The following SNX4 variants were observed in gnomAD, a reference collection of about 807,000 sequenced individuals.
SNX4 encodes the protein sorting nexin 4, also known as sorting nexin-4.
SNX4 carries 49 observed loss-of-function variants against 70.8 expected under a neutral mutation model. The observed-to-expected ratio is 0.69, with a 90% CI of 0.55 to 0.88. The LOEUF is 0.88. SNX4 is among the 40% of genes least tolerant of loss of function. The probability of loss-of-function intolerance (pLI) is 0.00; values close to 1 mark genes in which losing one functional copy is unlikely to be tolerated. For synonymous variants in SNX4, 206 were observed against 183.8 expected, an observed-to-expected ratio of 1.12 and a Z score of -0.98; for missense variants, 528 against 544.8, an observed-to-expected ratio of 0.97 and a Z score of 0.31.
intron 1 of SNX4, among the ~76,000 whole-genome samples, chr3:125,515,795 C>G (rs1303726243): frequency 6.6e-6 from 1 of 151,882 alleles, no homozygotes; most frequent in Non-Finnish European, 1.5e-5. Context: ...CTCTTGTAAT[C>G]CTGGTGCTTT....
At chr3:125,515,208 C>T (rs1230754252) in intron 1 of SNX4, among the ~76,000 whole-genome samples, 1 of 151,680 alleles carries the variant, frequency 6.6e-6, no homozygotes. Context: ...AAAAATTAGC[C>T]AGGCGTGGTG....
At chr3:125,509,065 GCTCATGCCTGTAAT>G (rs1344527737) in intron 1 of SNX4, among the ~76,000 whole-genome samples, 1 of 151,912 alleles carries the variant, frequency 6.6e-6, no homozygotes, top group Non-Finnish European at 1.5e-5. Flanking sequence ...AGGCGTGGTG[GCTCATGCCTGTAAT>G]CTCAGCACTT....
intron 8 of SNX4, among the ~76,000 whole-genome samples, chr3:125,474,863 G>A (rs1390112437): frequency 6.6e-6 from 1 of 151,984 alleles, no homozygotes; most frequent in Non-Finnish European, 1.5e-5. Context: ...GTCTCCTATG[G>A]GATATAATTT....
intron 13 of SNX4, among the ~76,000 whole-genome samples, chr3:125,449,846 T>C (rs534620340): frequency 6.6e-6 from 1 of 152,286 alleles, no homozygotes; most frequent in Non-Finnish European, 1.5e-5. Flanking sequence ...GAATGAGAGA[T>C]CACAAGGAGC....
chr3:125,451,258 C>A, intron 13 of SNX4, 47 bp downstream of exon 13: 1 of 1,279,398 alleles, frequency 7.8e-7, no homozygotes, highest in Non-Finnish European at 1.1e-6. Flanking sequence ...CATGTATAAG[C>A]ACTTCTGAAT....
intron 1 of SNX4, among the ~76,000 whole-genome samples, chr3:125,507,419 G>C (rs941018253): frequency 1.3e-5 from 2 of 152,056 alleles, no homozygotes; most frequent in African/African-American, 2.4e-5. Context: ...CCATCAAACG[G>C]ACCAACATGT....
chr3:125,502,773 G>A (rs1003648003), intron 2 of SNX4, among the ~76,000 whole-genome samples: 8 of 145,162 alleles, frequency 5.5e-5, no homozygotes, highest in Admixed American at 7.1e-5. Flanking sequence ...TGAATCACTT[G>A]AACTCGGGAG....
chr3:125,514,564 A>G lies in SNX4; in HGVS notation c.141+5468T>C, dbSNP rs373485905. ...GTGCCACCATGCCTGGCTAATTTTC[A>G]TATTTCTAGTACAGCTGGGCTTTCA... On this transcript the variant is annotated intron_variant, in intron 1 of 13. Transcript: ENST00000251775. Among the ~76,000 whole-genome samples the G allele has an allele frequency of 1.5e-4, 23 of 152,014 alleles. 1 individual carries two copies. In the South Asian group the frequency reaches 2.7e-3, roughly 18 times the overall value.
chr3:125,483,643 G>A (rs186411077), intron 6 of SNX4, among the ~76,000 whole-genome samples: 13 of 152,278 alleles, frequency 8.5e-5, no homozygotes, highest in Non-Finnish European at 1.8e-4. Context: ...GGGGAGAGGA[G>A]TGACAACACA....
At chr3:125,453,352 A>G (rs1184541756) in intron 12 of SNX4, among the ~76,000 whole-genome samples, 1 of 152,180 alleles carries the variant, frequency 6.6e-6, no homozygotes, top group Non-Finnish European at 1.5e-5. Flanking sequence ...GGGAGAAGAA[A>G]TGGTGGAGGG....
At chr3:125,516,692 T>C (rs1280792666) in intron 1 of SNX4, among the ~76,000 whole-genome samples, 1 of 152,068 alleles carries the variant, frequency 6.6e-6, no homozygotes, top group African/African-American at 2.4e-5. Flanking sequence ...AATACAAAAA[T>C]TAGTCAGGTG....
intron 9 of SNX4, among the ~76,000 whole-genome samples, chr3:125,461,685 G>A (rs1225448421): frequency 3.3e-5 from 5 of 149,444 alleles, no homozygotes; most frequent in South Asian, 2.1e-4. Context: ...TTTTTGAGAC[G>A]GAGTCTCACT....
intron 5 of SNX4, 138 bp from the exon 6 acceptor site, chr3:125,489,601 C>A: frequency 3.0e-6 from 2 of 659,002 alleles, no homozygotes; most frequent in African/African-American, 1.8e-5. Flanking sequence ...TTAAACATGC[C>A]TAAAAAAATA....
chr3:125,500,809 A>AAAAAAAAAAAAAAAAAAAAAAAAAC (rs1934912374), intron 2 of SNX4, among the ~76,000 whole-genome samples: 1 of 150,138 alleles, frequency 6.7e-6, no homozygotes, highest in African/African-American at 2.4e-5. Context: ...CAAAAAAAAA[A>AAAAAAAAAAAAAAAAAAAAAAAAAC]AAAAAAAAAA....
intron 6 of SNX4, among the ~76,000 whole-genome samples, chr3:125,487,095 T>C (rs953411865): frequency 6.6e-6 from 1 of 152,102 alleles, no homozygotes; most frequent in African/African-American, 2.4e-5. Context: ...TAAAACAATC[T>C]TTCTGGTTTT....
At chr3:125,458,956 C>T (rs1933805874) in intron 10 of SNX4, among the ~76,000 whole-genome samples, 1 of 151,728 alleles carries the variant, frequency 6.6e-6, no homozygotes. Context: ...GGCAGATCAC[C>T]TGAGGTCAGG....
intron 5 of SNX4, among the ~76,000 whole-genome samples, chr3:125,490,347 G>A (rs1321286199): frequency 2.6e-5 from 4 of 150,950 alleles, no homozygotes; most frequent in Non-Finnish European, 1.5e-5. Context: ...ACGGTGAAAC[G>A]CTGTCTCTAC....
At chr3:125,500,753 T>C (rs961332473) in intron 2 of SNX4, among the ~76,000 whole-genome samples, 1 of 126,056 alleles carries the variant, frequency 7.9e-6, no homozygotes, top group African/African-American at 3.2e-5. Flanking sequence ...TGAGCTGAGA[T>C]CGTGCCACTG....
At chr3:125,468,854 A>T (rs1934102611) in intron 9 of SNX4, among the ~76,000 whole-genome samples, 1 of 147,594 alleles carries the variant, frequency 6.8e-6, no homozygotes, top group African/African-American at 2.5e-5. Flanking sequence ...GTCTCTTTAA[A>T]AAAAAAAAAA....
Sources: allele counts gnomAD v4.1 joint callset (sites outside exome capture counted in the v4.1 genomes callset), GRCh38; gene constraint gnomAD v4.1.1; transcripts MANE v1.5; gene names NCBI Gene and HGNC (gene_info 2026-07-23, HGNC 2026-07-21).